MACROH2A2: variants seen among roughly 807,000 people sequenced by gnomAD.
MACROH2A2 encodes the protein core histone macro-H2A.2.
Under a neutral mutation model 37.6 loss-of-function variants are expected in MACROH2A2, and 6 were observed. The ratio of observed to expected loss-of-function variants is 0.16; its 90% confidence interval spans 0.09 to 0.32. The LOEUF (loss-of-function observed/expected upper bound fraction) is 0.32, where lower values mean the gene tolerates loss of function less well. Ranked by LOEUF, MACROH2A2 falls within the 10% of genes least tolerant of loss-of-function variation. The pLI, the probability that MACROH2A2 is intolerant of heterozygous loss-of-function variation, is 1.00. For synonymous variants in MACROH2A2, 192 were observed against 202.7 expected (o/e 0.95, Z 0.45); for missense variants, 290 against 485.9 (o/e 0.60, Z 3.79).
At chr10:70,076,844 T>C (rs1397960626) in intron 2 of MACROH2A2, among the ~76,000 whole-genome samples, 1 of 152,136 alleles carries the variant, frequency 6.6e-6, no homozygotes, top group Non-Finnish European at 1.5e-5. Flanking sequence ...TGCTGGTTTT[T>C]CCTCTTTAGA....
intron 2 of MACROH2A2, among the ~76,000 whole-genome samples, chr10:70,086,246 C>T (rs1255916312): frequency 6.8e-6 from 1 of 146,926 alleles, no homozygotes; most frequent in East Asian, 2.0e-4. Flanking sequence ...GAGATAAGAA[C>T]TATTTGATGT....
At chr10:70,054,088 A>T (rs547635066) in intron 1 of MACROH2A2, among the ~76,000 whole-genome samples, 1 of 152,176 alleles carries the variant, frequency 6.6e-6, no homozygotes, top group Non-Finnish European at 1.5e-5. Context: ...TTTGTTCCTT[A>T]CAACAATGGC....
At chr10:70,100,394 C>A in intron 7 of MACROH2A2, 97 bp downstream of exon 7, 1 of 656,778 alleles carries the variant, frequency 1.5e-6, no homozygotes, top group Non-Finnish European at 2.7e-6. Context: ...GCTTATGAGT[C>A]AAAGTATGCC....
Position 70,053,895 on chromosome 10 carries a change from G to A in MACROH2A2, c.-60+895G>A, listed in dbSNP as rs935934914. 1.3e-5 allele frequency among the ~76,000 whole-genome samples: 2 copies of A among 152,264 alleles called. No homozygotes were observed. The highest frequency in any genetic ancestry group is 2.9e-5 in the Non-Finnish European group (2 of 67,988). Reference sequence around the variant, plus strand: ...TGGCTGCGGCGCAGGAAAGGGCTCTGCCGGGCGCCGGACGCCGTGCGTATC... The same window carrying A: ...TGGCTGCGGCGCAGGAAAGGGCTCTACCGGGCGCCGGACGCCGTGCGTATC... On this transcript the variant is annotated intron_variant, in intron 1 of 8. Coordinates refer to ENST00000373255, the MANE Select transcript of MACROH2A2 (RefSeq NM_018649.3). This position sits in a 1 kb window ranked among gnomAD's most constrained non-coding sequence, Gnocchi z 4.8.
intron 7 of MACROH2A2, among the ~76,000 whole-genome samples, chr10:70,108,470 T>C (rs2072350674): frequency 6.6e-6 from 1 of 152,222 alleles, no homozygotes; most frequent in Non-Finnish European, 1.5e-5. Context: ...GGCTCCTGGC[T>C]GCATCGTTCC....
At chr10:70,077,882 A>T (rs2072149180) in intron 2 of MACROH2A2, among the ~76,000 whole-genome samples, 1 of 152,180 alleles carries the variant, frequency 6.6e-6, no homozygotes, top group Non-Finnish European at 1.5e-5. Flanking sequence ...AGGCTTTAAA[A>T]CAACCTGTTA....
Position 70,075,613 on chromosome 10 carries a change from C to T in MACROH2A2, c.-46C>T, listed in dbSNP as rs1270593867. ...TTTCCTTTTTAGCATTGTGTTAGTG[C>T]CGGGAGGCCACTGTGTCAGCAAGCT... On this transcript the variant is annotated 5_prime_UTR_variant, in exon 2 of 9. Coordinates refer to ENST00000373255, the MANE Select transcript of MACROH2A2 (RefSeq NM_018649.3). The surrounding 1 kb of genome is among the most constrained non-coding windows in gnomAD (Gnocchi z 5.0). The T allele has an allele frequency of 1.3e-6, 2 of 1,584,174 alleles. No homozygotes were observed. The highest frequency in any genetic ancestry group is 1.7e-6 in the Non-Finnish European group (2 of 1,154,180).
At chr10:70,090,016 A>G (rs16927265) in intron 2 of MACROH2A2, 44 bp from the exon 3 acceptor site, 221,101 of 1,179,800 alleles carry the variant, frequency 0.19, 22,533 homozygotes, top group African/African-American at 0.28. Context: ...TTTAGCTCAG[A>G]CCCCATTCTG....
intron 8 of MACROH2A2, among the ~76,000 whole-genome samples, chr10:70,110,459 T>A (rs1167098704): frequency 6.6e-6 from 1 of 152,234 alleles, no homozygotes; most frequent in Non-Finnish European, 1.5e-5. Context: ...TACTAAGCAA[T>A]TGGGTTAGTA....
At chr10:70,070,675 T>C (rs1216485354) in intron 1 of MACROH2A2, among the ~76,000 whole-genome samples, 1 of 152,154 alleles carries the variant, frequency 6.6e-6, no homozygotes, top group Non-Finnish European at 1.5e-5. Context: ...GTATTTTTAG[T>C]AGAGTCGGGG....
At chr10:70,066,396 A>G (rs1176252961) in intron 1 of MACROH2A2, among the ~76,000 whole-genome samples, 2 of 152,232 alleles carry the variant, frequency 1.3e-5, no homozygotes, top group Admixed American at 6.5e-5. Flanking sequence ...GTGGATACCA[A>G]CAAAACAAGG....
At chr10:70,092,008 T>G in intron 4 of MACROH2A2, 54 bp downstream of exon 4, 2 of 1,380,688 alleles carry the variant, frequency 1.4e-6, no homozygotes, top group Non-Finnish European at 2.0e-6. Flanking sequence ...ATGGTCTGAA[T>G]GTCTGTGTTC....
intron 1 of MACROH2A2, among the ~76,000 whole-genome samples, chr10:70,064,024 G>A (rs1452910695): frequency 6.6e-6 from 1 of 152,160 alleles, no homozygotes; most frequent in Non-Finnish European, 1.5e-5. Flanking sequence ...CAGCAATTTG[G>A]TGTTTAGCCC....
At chr10:70,071,962 C>T (rs554881487) in intron 1 of MACROH2A2, among the ~76,000 whole-genome samples, 108 of 152,244 alleles carry the variant, frequency 7.1e-4, no homozygotes, top group African/African-American at 2.4e-3. Context: ...GTTAGCTACA[C>T]TACATTTAAA....
chr10:70,067,181 G>GT (rs2072084410), intron 1 of MACROH2A2, among the ~76,000 whole-genome samples: 1 of 152,218 alleles, frequency 6.6e-6, no homozygotes, highest in South Asian at 2.1e-4. Flanking sequence ...CCAGAGGCTT[G>GT]TAGGAGCCTA....
chr10:70,059,350 C>G (rs2072037312), intron 1 of MACROH2A2, among the ~76,000 whole-genome samples: 1 of 151,352 alleles, frequency 6.6e-6, no homozygotes, highest in Non-Finnish European at 1.5e-5. Flanking sequence ...CCCCTTGCAT[C>G]TGTTTTATAT....
At chr10:70,076,294 A>C (rs1478433360) in intron 2 of MACROH2A2, among the ~76,000 whole-genome samples, 1 of 152,210 alleles carries the variant, frequency 6.6e-6, no homozygotes, top group Non-Finnish European at 1.5e-5. Flanking sequence ...CATTTATCGC[A>C]TCATTAAAAG....
chr10:70,082,778 A>T (rs968189525), intron 2 of MACROH2A2, among the ~76,000 whole-genome samples: 1 of 152,204 alleles, frequency 6.6e-6, no homozygotes, highest in Non-Finnish European at 1.5e-5. Context: ...ACAGACAGAA[A>T]GTAGAATAGA....
At chr10:70,110,141 C>G (rs1320825262) in intron 8 of MACROH2A2, among the ~76,000 whole-genome samples, 1 of 152,170 alleles carries the variant, frequency 6.6e-6, no homozygotes, top group African/African-American at 2.4e-5. Context: ...CAGTGCTGTT[C>G]TGTGCTGGAA....
Sources: gnomAD v4.1 joint callset for allele counts (sites outside exome capture counted in the v4.1 genomes callset) on GRCh38, gnomAD v4.1.1 for gene constraint, Gnocchi (gnomAD v3.1) non-coding constraint, MANE v1.5 for transcripts, NCBI Gene and HGNC (gene_info 2026-07-23, HGNC 2026-07-21) for gene names.